The following LRRC4C variants were observed in gnomAD, a reference collection of about 807,000 sequenced individuals.
LRRC4C encodes leucine-rich repeat-containing protein 4C.
In LRRC4C, 5 loss-of-function variants were observed where a neutral mutation model predicts 33.6. The observed-to-expected ratio is 0.15, with a 90% CI of 0.08 to 0.31. The LOEUF is 0.31. Ranked by LOEUF, LRRC4C falls within the 10% of genes least tolerant of loss-of-function variation. The probability of loss-of-function intolerance (pLI) is 1.00; values close to 1 mark genes in which losing one functional copy is unlikely to be tolerated. For missense variants in LRRC4C, 560 were observed against 796.7 expected, an observed-to-expected ratio of 0.70 and a Z score of 3.58; for synonymous variants, 329 against 302.0, an observed-to-expected ratio of 1.09 and a Z score of -0.93.
At chr11:40,495,714 T>C (rs1454809374) in intron 3 of LRRC4C, among the ~76,000 whole-genome samples, 1 of 151,648 alleles carries the variant, frequency 6.6e-6, no homozygotes, top group Non-Finnish European at 1.5e-5. Context: ...AATCTCTTAG[T>C]CTCTGTGTTG....
At chr11:40,704,620 C>A (rs1022292153) in intron 2 of LRRC4C, among the ~76,000 whole-genome samples, 3 of 152,038 alleles carry the variant, frequency 2.0e-5, no homozygotes, top group Non-Finnish European at 4.4e-5. Flanking sequence ...TAATCCTAGG[C>A]AATAATCTCT....
Position 41,230,133 on chromosome 11 carries a change from C to G in LRRC4C, c.-496+229298G>C, listed in dbSNP as rs1271206796. 2.0e-5 allele frequency among the ~76,000 whole-genome samples: 3 copies of G among 152,024 alleles called. No individual in the cohort carries two copies. The East Asian group carries it at 5.8e-4, about 29-fold the overall frequency. On this transcript the variant is annotated intron_variant, in intron 1 of 6. Transcript: ENST00000528697. ...TTGGTATTTTCAGAGGATTGGTCTT[C>G]TCTTTCAATAGTCTTCTTGAAAAAC...
intron 2 of LRRC4C, among the ~76,000 whole-genome samples, chr11:40,773,724 A>C (rs1565043918): frequency 6.6e-6 from 1 of 152,074 alleles, no homozygotes; most frequent in Non-Finnish European, 1.5e-5. Context: ...CACTTTTTTA[A>C]TTCAGTTACT....
chr11:41,262,011 T>C (rs1948997223), intron 1 of LRRC4C, among the ~76,000 whole-genome samples: 1 of 151,970 alleles, frequency 6.6e-6, no homozygotes, highest in Non-Finnish European at 1.5e-5. Flanking sequence ...CACCCAAAGG[T>C]TAAAAATAAA....
intron 5 of LRRC4C, among the ~76,000 whole-genome samples, chr11:40,179,812 T>C (rs547258703): frequency 8.5e-5 from 13 of 152,354 alleles, no homozygotes; most frequent in Admixed American, 8.5e-4. Flanking sequence ...TAATTAGATA[T>C]AGGAGCTGAA....
At chr11:40,241,791 T>C (rs1392976932) in intron 4 of LRRC4C, 193 bp from the exon 5 acceptor site, 1 of 152,236 alleles carries the variant, frequency 6.6e-6, no homozygotes, top group Non-Finnish European at 1.5e-5. Context: ...TAATCTCAGC[T>C]TGATACTTTA....
At chr11:40,246,031 T>A (rs1238826239) in intron 4 of LRRC4C, among the ~76,000 whole-genome samples, 1 of 150,664 alleles carries the variant, frequency 6.6e-6, no homozygotes, top group Non-Finnish European at 1.5e-5. Flanking sequence ...TGGAGTGCAG[T>A]GGTGTAATCT....
At chr11:41,300,117 T>A (rs561733673) in intron 1 of LRRC4C, among the ~76,000 whole-genome samples, 3 of 152,280 alleles carry the variant, frequency 2.0e-5, no homozygotes, top group African/African-American at 7.2e-5. Context: ...ACAGTGAGAT[T>A]GGGATAACAT....
intron 2 of LRRC4C, among the ~76,000 whole-genome samples, chr11:40,657,229 T>C (rs941671589): frequency 2.6e-5 from 4 of 152,322 alleles, no homozygotes; most frequent in African/African-American, 9.6e-5. Flanking sequence ...AGACCTTATG[T>C]GAGTCTTCAT....
chr11:40,691,248 A>G (rs945074620), intron 2 of LRRC4C, among the ~76,000 whole-genome samples: 1 of 152,052 alleles, frequency 6.6e-6, no homozygotes, highest in African/African-American at 2.4e-5. Flanking sequence ...TCTAAGTGCC[A>G]TAACAAACTG....
chr11:40,554,277 T>C (rs186452402), intron 3 of LRRC4C, among the ~76,000 whole-genome samples: 1 of 152,324 alleles, frequency 6.6e-6, no homozygotes, highest in African/African-American at 2.4e-5. Context: ...CTAGGTTCTC[T>C]ATTGTGTTCT....
intron 3 of LRRC4C, among the ~76,000 whole-genome samples, chr11:40,376,261 T>C (rs1948655524): frequency 6.6e-6 from 1 of 152,132 alleles, no homozygotes; most frequent in African/African-American, 2.4e-5. Context: ...CATTCCAAGA[T>C]TGAAATGGAG....
At chr11:41,210,848 A>G (rs1946793704) in intron 1 of LRRC4C, among the ~76,000 whole-genome samples, 1 of 152,162 alleles carries the variant, frequency 6.6e-6, no homozygotes, top group Admixed American at 6.5e-5. Context: ...TAATTCTTCC[A>G]CTGATGGGGG....
chr11:41,107,363 A>T (rs1301686205), intron 1 of LRRC4C, among the ~76,000 whole-genome samples: 1 of 152,092 alleles, frequency 6.6e-6, no homozygotes, highest in Non-Finnish European at 1.5e-5. Context: ...ACTGTATTAG[A>T]GATACATGTA....
intron 2 of LRRC4C, among the ~76,000 whole-genome samples, chr11:40,838,919 T>A (rs577442962): frequency 6.6e-5 from 10 of 151,948 alleles, no homozygotes; most frequent in African/African-American, 2.4e-4. Flanking sequence ...GAAAAAAAAA[T>A]GTATTTCTTT....
intron 1 of LRRC4C, among the ~76,000 whole-genome samples, chr11:41,130,915 G>A (rs1378051221): frequency 1.3e-5 from 2 of 151,956 alleles, no homozygotes; most frequent in Non-Finnish European, 2.9e-5. Flanking sequence ...TGTTTTCCAT[G>A]CACTAAGTTT....
chr11:40,632,511 G>A (rs569691476), intron 3 of LRRC4C, among the ~76,000 whole-genome samples: 6 of 152,310 alleles, frequency 3.9e-5, no homozygotes, highest in Admixed American at 2.0e-4. Context: ...AACTCAAGCC[G>A]TGTAGAATGA....
intron 1 of LRRC4C, among the ~76,000 whole-genome samples, chr11:40,961,233 A>C (rs1357192572): frequency 6.6e-6 from 1 of 151,756 alleles, no homozygotes; most frequent in Non-Finnish European, 1.5e-5. Flanking sequence ...AGCTATTGTG[A>C]CTAGAATAGC....
intron 1 of LRRC4C, among the ~76,000 whole-genome samples, chr11:41,134,612 A>T (rs1943173683): frequency 6.6e-6 from 1 of 152,178 alleles, no homozygotes; most frequent in Non-Finnish European, 1.5e-5. Context: ...GGAGGCTAGA[A>T]GTTCAAAATC....
Sources: gnomAD v4.1 joint callset for allele counts (sites outside exome capture counted in the v4.1 genomes callset) on GRCh38, gnomAD v4.1.1 for gene constraint, MANE v1.5 for transcripts, NCBI Gene and HGNC (gene_info 2026-07-23, HGNC 2026-07-21) for gene names.